Variants in KCNC2 observed in about 807,000 individuals in gnomAD.
The protein encoded by KCNC2 is potassium voltage-gated channel subfamily C member 2.
A neutral mutation model predicts 44.5 loss-of-function variants in KCNC2; 21 were observed. The ratio of observed to expected loss-of-function variants is 0.47; its 90% CI spans 0.33 to 0.68. The LOEUF (loss-of-function observed/expected upper bound fraction) is 0.68. Ranked by LOEUF, KCNC2 falls within the 30% of genes least tolerant of loss-of-function variation. The probability of loss-of-function intolerance (pLI) is 0.01; values close to 1 mark genes in which losing one functional copy is unlikely to be tolerated. For synonymous variants in KCNC2, 391 were observed against 339.1 expected, an observed-to-expected ratio of 1.15 and a Z score of -1.68; for missense variants, 589 against 826.2, an observed-to-expected ratio of 0.71 and a Z score of 3.52.
intron 2 of KCNC2, among the ~76,000 whole-genome samples, chr12:75,064,626 C>T (rs543909073): frequency 1.3e-5 from 2 of 151,938 alleles, no homozygotes; most frequent in Non-Finnish European, 2.9e-5. Context: ...TAAGTTTCTT[C>T]CCACTTAACT....
chr12:75,106,271 G>A (rs966067522), intron 2 of KCNC2, among the ~76,000 whole-genome samples: 12 of 152,178 alleles, frequency 7.9e-5, no homozygotes, highest in Non-Finnish European at 1.5e-4. Context: ...AGAGTGGTGG[G>A]TTCAAGTAAG....
intron 2 of KCNC2, among the ~76,000 whole-genome samples, chr12:75,161,138 G>T (rs1891096873): frequency 1.3e-5 from 2 of 151,472 alleles, no homozygotes; most frequent in Admixed American, 1.3e-4. Context: ...ATTAATGGAG[G>T]TTTAGATATC....
chr12:75,118,752 C>T (rs1000332270), intron 2 of KCNC2, among the ~76,000 whole-genome samples: 3 of 152,116 alleles, frequency 2.0e-5, no homozygotes, highest in African/African-American at 2.4e-5. Context: ...AGTGAGGTAA[C>T]AAAGTGACAG....
At chr12:75,084,608 T>A (rs1449093257) in intron 2 of KCNC2, among the ~76,000 whole-genome samples, 1 of 152,004 alleles carries the variant, frequency 6.6e-6, no homozygotes, top group African/African-American at 2.4e-5. Context: ...TTCTGAGGTC[T>A]CCCCAAACAT....
intron 2 of KCNC2, among the ~76,000 whole-genome samples, chr12:75,180,960 A>G (rs1892530860): frequency 6.6e-6 from 1 of 152,090 alleles, no homozygotes; most frequent in South Asian, 2.1e-4. Context: ...CAACTTTCTG[A>G]TTTACTCACA....
intron 2 of KCNC2, among the ~76,000 whole-genome samples, chr12:75,121,408 C>T (rs565993849): frequency 1.3e-5 from 2 of 152,286 alleles, no homozygotes; most frequent in East Asian, 3.9e-4. Context: ...TAGGCATGAT[C>T]TCTGCCCTCA....
At chr12:75,191,501 ATATTATTAT>A (rs63327760) in intron 2 of KCNC2, among the ~76,000 whole-genome samples, 30 of 70,438 alleles carry the variant, frequency 4.3e-4, no homozygotes, top group African/African-American at 1.3e-3. Context: ...TTTGTTCTGA[ATATTATTAT>A]TATTATTATT....
intron 2 of KCNC2, among the ~76,000 whole-genome samples, chr12:75,129,167 A>T (rs1406484948): frequency 1.3e-5 from 2 of 152,152 alleles, no homozygotes; most frequent in Non-Finnish European, 2.9e-5. Flanking sequence ...TTATGGTATC[A>T]AGGGCAAAGG....
intron 2 of KCNC2, among the ~76,000 whole-genome samples, chr12:75,108,382 T>C (rs937752518): frequency 6.6e-6 from 1 of 152,192 alleles, no homozygotes; most frequent in Non-Finnish European, 1.5e-5. Flanking sequence ...TCTGCAACAA[T>C]ATAAATGAGA....
intron 2 of KCNC2, among the ~76,000 whole-genome samples, chr12:75,071,685 C>T (rs1883416909): frequency 1.3e-5 from 2 of 152,118 alleles, no homozygotes; most frequent in African/African-American, 4.8e-5. Context: ...GACGCGGTGG[C>T]TCACGCCTGT....
At chr12:75,187,798 CAT>C (rs1278712619) in intron 2 of KCNC2, among the ~76,000 whole-genome samples, 1 of 152,128 alleles carries the variant, frequency 6.6e-6, no homozygotes, top group African/African-American at 2.4e-5. Context: ...CAGAAGAATG[CAT>C]ATACACATGT....
intron 2 of KCNC2, among the ~76,000 whole-genome samples, chr12:75,127,005 G>A (rs1888473286): frequency 6.6e-6 from 1 of 152,122 alleles, no homozygotes; most frequent in African/African-American, 2.4e-5. Context: ...ACAGTGCTGT[G>A]TTAAATGTGC....
chr12:75,078,418 G>T (rs962690172), intron 2 of KCNC2, among the ~76,000 whole-genome samples: 7 of 152,118 alleles, frequency 4.6e-5, no homozygotes, highest in Non-Finnish European at 8.8e-5. Flanking sequence ...TAATTATAAT[G>T]ACTGTCAAGG....
rs773425053 is a variant in KCNC2, at chr12:75,050,709, T to C, written c.1296A>G (p.Val432=). The change falls in exon 3 of 5, where the codon GTA becomes GTG. Residue 432 remains valine (V), a synonymous_variant. Transcript: ENST00000549446. ...KNIPIGFWWA[V]VTMTTLGYGD... ...CATAACCCAGGGTAGTCATGGTCAC[T>C]ACAGCCCACCAGAACCCAATGGGAA... 26 of 1,613,452 alleles carry C rather than the reference T, an allele frequency of 1.6e-5. No individual in the cohort carries two copies. In the South Asian group the frequency reaches 2.0e-4, roughly 12 times the overall value.
intron 2 of KCNC2, among the ~76,000 whole-genome samples, chr12:75,109,973 A>G (rs1450848348): frequency 1.3e-5 from 2 of 149,838 alleles, no homozygotes; most frequent in Non-Finnish European, 1.5e-5. Flanking sequence ...GGACAGGAAT[A>G]TCACAAAACA....
chr12:75,109,211 G>A (rs891178963), intron 2 of KCNC2, among the ~76,000 whole-genome samples: 1 of 152,246 alleles, frequency 6.6e-6, no homozygotes, highest in South Asian at 2.1e-4. Context: ...ATGAATACCC[G>A]ATTATAATCT....
At chr12:75,174,043 C>T (rs1316078455) in intron 2 of KCNC2, among the ~76,000 whole-genome samples, 2 of 151,416 alleles carry the variant, frequency 1.3e-5, no homozygotes, top group Non-Finnish European at 3.0e-5. Flanking sequence ...ATACTTTATC[C>T]TTCCCAACAA....
intron 2 of KCNC2, among the ~76,000 whole-genome samples, chr12:75,073,468 A>AAT (rs938137155): frequency 1.5e-4 from 23 of 152,154 alleles, no homozygotes; most frequent in Admixed American, 9.2e-4. Context: ...AAACCAAAGA[A>AAT]ATAACTCAAT....
intron 2 of KCNC2, among the ~76,000 whole-genome samples, chr12:75,157,594 T>C (rs1890850244): frequency 6.6e-6 from 1 of 151,938 alleles, no homozygotes; most frequent in Admixed American, 6.6e-5. Flanking sequence ...AATGAGTTTG[T>C]TTGAGTCATT....
Sources: allele counts gnomAD v4.1 joint callset (sites outside exome capture counted in the v4.1 genomes callset), GRCh38; gene constraint gnomAD v4.1.1; transcripts MANE v1.5; gene names NCBI Gene and HGNC (gene_info 2026-07-23, HGNC 2026-07-21).